CNTN6: variants seen among roughly 807,000 people sequenced by gnomAD.
CNTN6 encodes contactin 6, also known as contactin-6.
A neutral mutation model predicts 122.8 loss-of-function variants in CNTN6; 137 were observed. The observed-to-expected ratio is 1.12, with a 90% CI of 0.97 to 1.29. The LOEUF (loss-of-function observed/expected upper bound fraction) is 1.29, where lower values mean the gene tolerates loss of function less well. Ranked by LOEUF, CNTN6 falls within the 50% of genes most tolerant of loss-of-function variation. The pLI is 0.00. For synonymous variants in CNTN6, 570 were observed against 426.0 expected, an observed-to-expected ratio of 1.34 and a Z score of -4.16; for missense variants, 1,634 against 1,223.4, an observed-to-expected ratio of 1.34 and a Z score of -5.01.
At chr3:1,363,064 A>C (rs1707709806) in intron 12 of CNTN6, among the ~76,000 whole-genome samples, 1 of 151,880 alleles carries the variant, frequency 6.6e-6, no homozygotes, top group African/African-American at 2.4e-5. Flanking sequence ...ATGCTTTCAA[A>C]CAAACAAAAC....
At chr3:1,294,541 A>G (rs963810126) in intron 5 of CNTN6, among the ~76,000 whole-genome samples, 1 of 152,152 alleles carries the variant, frequency 6.6e-6, no homozygotes, top group Non-Finnish European at 1.5e-5. Flanking sequence ...ATTAAACGGA[A>G]CACAAGTTCT....
At chr3:1,134,072 T>C (rs2092408872) in intron 1 of CNTN6, among the ~76,000 whole-genome samples, 1 of 152,114 alleles carries the variant, frequency 6.6e-6, no homozygotes, top group African/African-American at 2.4e-5. Flanking sequence ...TTCCTGTAAA[T>C]AATATGGAAA....
intron 20 of CNTN6, chr3:1,394,304 A>C (rs1694699354): frequency 5.3e-6 from 1 of 187,950 alleles, no homozygotes; most frequent in African/African-American, 2.4e-5. Context: ...CGGCCCCCCG[A>C]AACAGGGCTC....
rs575297867 is a variant in CNTN6, at chr3:1,254,930, C to G, written c.359-23483C>G. On this transcript the variant is annotated intron_variant, in intron 4 of 22. Transcript: ENST00000446702. ...TTTACTCGGTGGTTCCTCTGGTCTT[C>G]TTGGGGTTCAGTTTTACATTGGTGG... Among the ~76,000 whole-genome samples, 597 of 151,992 alleles carry G rather than the reference C, an allele frequency of 3.9e-3. 2 individuals are homozygous for G. The highest frequency in any genetic ancestry group is 7.2e-3 in the Non-Finnish European group (487 of 67,960).
intron 2 of CNTN6, among the ~76,000 whole-genome samples, chr3:1,182,391 C>T (rs1051534743): frequency 1.3e-5 from 2 of 152,124 alleles, no homozygotes; most frequent in African/African-American, 2.4e-5. Flanking sequence ...GGATACTGTT[C>T]TCTGAAATTA....
chr3:1,181,483 G>T (rs1360876560), intron 2 of CNTN6, among the ~76,000 whole-genome samples: 1 of 152,098 alleles, frequency 6.6e-6, no homozygotes, highest in East Asian at 1.9e-4. Flanking sequence ...AGCAAAAGTG[G>T]CAAAACAAAT....
At chr3:1,171,875 C>T (rs1361498881) in intron 2 of CNTN6, among the ~76,000 whole-genome samples, 3 of 152,074 alleles carry the variant, frequency 2.0e-5, no homozygotes, top group Non-Finnish European at 2.9e-5. Flanking sequence ...CCAAAGTGCT[C>T]GCATTACAGG....
At chr3:1,101,452 C>T (rs143474220) in intron 1 of CNTN6, among the ~76,000 whole-genome samples, 68 of 152,272 alleles carry the variant, frequency 4.5e-4, no homozygotes, top group South Asian at 2.9e-3. Context: ...CTTCACGTTG[C>T]ATGGTGCCGT....
intron 4 of CNTN6, among the ~76,000 whole-genome samples, chr3:1,260,645 C>G (rs958459660): frequency 6.6e-6 from 1 of 152,068 alleles, no homozygotes; most frequent in African/African-American, 2.4e-5. Flanking sequence ...TTCTCATAAT[C>G]TCCACCTGTT....
chr3:1,144,467 C>G (rs906779630), intron 1 of CNTN6, among the ~76,000 whole-genome samples: 8 of 151,524 alleles, frequency 5.3e-5, no homozygotes, highest in Non-Finnish European at 1.0e-4. Flanking sequence ...CCCAGCTACT[C>G]GGGAGGCTGA....
At chr3:1,130,733 A>G (rs1257314714) in intron 1 of CNTN6, among the ~76,000 whole-genome samples, 1 of 152,098 alleles carries the variant, frequency 6.6e-6, no homozygotes, top group Non-Finnish European at 1.5e-5. Flanking sequence ...GAAGACAACA[A>G]TGTTTGATCA....
chr3:1,258,624 G>T (rs2094796925), intron 4 of CNTN6, among the ~76,000 whole-genome samples: 1 of 152,058 alleles, frequency 6.6e-6, no homozygotes, highest in Non-Finnish European at 1.5e-5. Context: ...AAGTTTCAGT[G>T]TCTGGGCATC....
intron 1 of CNTN6, among the ~76,000 whole-genome samples, chr3:1,130,577 A>G (rs948861198): frequency 3.9e-5 from 6 of 152,154 alleles, no homozygotes; most frequent in Admixed American, 6.6e-5. Flanking sequence ...CCAGTTGATG[A>G]CACTGGCAAA....
chr3:1,352,452 G>A lies in CNTN6; in HGVS notation c.1492+1G>A. On this transcript the variant is annotated splice_donor_variant, in intron 12 of 22. Coordinates refer to ENST00000446702, the MANE Select transcript of CNTN6 (RefSeq NM_001289080.2). LOFTEE classifies it high-confidence loss of function. ...AACACTGGCAGCCTCATTGTAAAAGGTATCATATTATCTTCATTTGTGCTT... is the reference window on the plus strand; with the variant it reads ...AACACTGGCAGCCTCATTGTAAAAGATATCATATTATCTTCATTTGTGCTT... The A allele has an allele frequency of 5.6e-6, 9 of 1,609,296 alleles. No individual in the cohort carries two copies. Among genetic ancestry groups the A allele is most frequent in the Non-Finnish European group, 7.6e-6 (9 of 1,176,926 alleles).
In CNTN6 at chr3:1,102,660, G is replaced by A. The variant is rs554371863; in HGVS notation, c.-83+9540G>A. Among the ~76,000 whole-genome samples the A allele has an allele frequency of 1.3e-4, 19 of 149,910 alleles. 1 individual carries two copies. Among genetic ancestry groups the A allele is most frequent in the South Asian group, 8.6e-4 (4 of 4,674 alleles). On this transcript the variant is annotated intron_variant, in intron 1 of 22. Coordinates refer to ENST00000446702, the MANE Select transcript of CNTN6 (RefSeq NM_001289080.2). ...GGAGAATGGCGGGAACCCGGGGGGC[G>A]GAGCTTGCAGTGAGCAGAGATGGCG...
chr3:1,120,537 T>C (rs2091911084), intron 1 of CNTN6, among the ~76,000 whole-genome samples: 1 of 151,976 alleles, frequency 6.6e-6, no homozygotes, highest in Admixed American at 6.6e-5. Flanking sequence ...TTCTTTTTAA[T>C]ATTATTGTTT....
intron 2 of CNTN6, among the ~76,000 whole-genome samples, chr3:1,167,143 T>TAAAACA (rs2093269840): frequency 1.3e-5 from 2 of 150,180 alleles, no homozygotes. Flanking sequence ...GTGGGGAGAA[T>TAAAACA]AAAACAAAAA....
intron 5 of CNTN6, among the ~76,000 whole-genome samples, chr3:1,282,765 A>G (rs1312411101): frequency 6.6e-6 from 1 of 152,112 alleles, no homozygotes; most frequent in Non-Finnish European, 1.5e-5. Context: ...ACATCTTTCC[A>G]ACAATCTCCA....
At chr3:1,163,355 G>A (rs1205227042) in intron 2 of CNTN6, among the ~76,000 whole-genome samples, 1 of 152,170 alleles carries the variant, frequency 6.6e-6, no homozygotes, top group African/African-American at 2.4e-5. Context: ...TTATTAAACT[G>A]CAGTGTTATA....
Sources: allele counts gnomAD v4.1 joint callset (sites outside exome capture counted in the v4.1 genomes callset), GRCh38; gene constraint gnomAD v4.1.1; transcripts MANE v1.5; gene names NCBI Gene and HGNC (gene_info 2026-07-23, HGNC 2026-07-21).